The following KDM2B variants were observed in gnomAD, a reference collection of about 807,000 sequenced individuals.
The protein encoded by KDM2B is lysine-specific demethylase 2B.
A neutral mutation model predicts 150.0 loss-of-function variants in KDM2B; 26 were observed. The ratio of observed to expected loss-of-function variants is 0.17; its 90% CI spans 0.13 to 0.24. The LOEUF is 0.24. Among genes scored for constraint, KDM2B ranks in the 10% least tolerant of loss-of-function variants. The pLI is 1.00. For missense variants in KDM2B, 1,265 were observed against 1,816.9 expected, an observed-to-expected ratio of 0.70 and a Z score of 5.52; for synonymous variants, 734 against 729.5, an observed-to-expected ratio of 1.01 and a Z score of -0.10.
At chr12:121,569,021 G>A (rs1890907392) in intron 4 of KDM2B, among the ~76,000 whole-genome samples, 1 of 152,210 alleles carries the variant, frequency 6.6e-6, no homozygotes, top group South Asian at 2.1e-4. Context: ...ACGTCCCGTG[G>A]TGCAGTGCCC....
In KDM2B at chr12:121,530,197, C is replaced by A. The variant is rs545749330; in HGVS notation, c.931+2609G>T. ...GAGCCGAGATTGCGCCACTGCACTC[C>A]AGCCTGGGCAACAGAGCAAGACTCC... On this transcript the variant is annotated intron_variant, in intron 8 of 22. Coordinates refer to ENST00000377071, the MANE Select transcript of KDM2B (RefSeq NM_032590.5). Among the ~76,000 whole-genome samples the A allele has an allele frequency of 2.9e-4, 41 of 142,114 alleles. No individual in the cohort carries two copies. The East Asian group carries it at 8.3e-3, about 29-fold the overall frequency. The allele number at this position is 142,114 out of a possible 152,430, so 93.2% of individuals were successfully genotyped here.
At chr12:121,579,651 T>A in intron 1 of KDM2B, 1 of 1,348,008 alleles carries the variant, frequency 7.4e-7, no homozygotes, top group East Asian at 4.2e-5. Flanking sequence ...GCGCGCACAC[T>A]CACTTCCTAA....
chr12:121,437,410 G>A (rs1475750844), intron 22 of KDM2B, among the ~76,000 whole-genome samples: 2 of 151,730 alleles, frequency 1.3e-5, no homozygotes, highest in African/African-American at 4.9e-5. Context: ...AAAAGATGGA[G>A]GGAGAAAAAC....
rs1438490730 is a variant in KDM2B at position 121,430,872 on chromosome 12, A to C, written c.3830-403T>G. ...TACTGCTCTATGTCTATTACTGTGC[A>C]TTTATTTGCCTCCTCCCTTCAGATA... On this transcript the variant is annotated intron_variant, in intron 22 of 22. Transcript: ENST00000377071. The surrounding 1 kb of genome is among the most constrained non-coding windows in gnomAD (Gnocchi z 4.4). Among the ~76,000 whole-genome samples the C allele has an allele frequency of 1.3e-5, 2 of 152,152 alleles. No individual in the cohort carries two copies. Among genetic ancestry groups the C allele is most frequent in the Non-Finnish European group, 2.9e-5 (2 of 68,028 alleles).
At chr12:121,418,115 G>A in the KDM2B span, 8,881 of 587,098 alleles carry the variant, frequency 0.015, 103 homozygotes, top group Non-Finnish European at 0.021. Flanking sequence ...AAAGTCTGCT[G>A]TCTGAAGGGT....
intron 17 of KDM2B, 45 bp from the exon 18 acceptor site, chr12:121,443,075 T>C: frequency 6.3e-7 from 1 of 1,576,024 alleles, no homozygotes; most frequent in Non-Finnish European, 8.6e-7. Context: ...CCCGGGCTCG[T>C]GGGATTTGGT....
chr12:121,448,536 C>T (rs1876690373), intron 13 of KDM2B, among the ~76,000 whole-genome samples: 1 of 152,010 alleles, frequency 6.6e-6, no homozygotes, highest in South Asian at 2.1e-4. Context: ...CGGCTGTGAG[C>T]CCCCTGAGGC....
At position 121,467,287 on chromosome 12, in the gene KDM2B, G is replaced by C. The variant is rs1880152573; in HGVS notation, c.1735-13943C>G. The stretch of plus-strand genomic sequence containing the variant: ...CGCCGCCGCCGCCCGCCCGGAGCAG[G>C]CTCGGCTCGCCCTGGCTCGGGCTCG... On this transcript the variant is annotated intron_variant, in intron 12 of 22. Transcript: ENST00000377071. The surrounding 1 kb of genome is among the most constrained non-coding windows in gnomAD (Gnocchi z 5.1). 1 of 985,808 alleles carries C rather than the reference G, an allele frequency of 1.0e-6. No homozygotes were observed. Among genetic ancestry groups the C allele is most frequent in the Non-Finnish European group, 1.2e-6 (1 of 831,064 alleles). The allele number at this position is 985,808 out of a possible 1,614,324, so 61.1% of individuals were successfully genotyped here. A position where few individuals can be genotyped will look rare whatever the true frequency, so the allele number is the denominator to read the frequency against.
At chr12:121,417,769 T>C in the KDM2B span, 3 of 1,614,226 alleles carry the variant, frequency 1.9e-6, no homozygotes, top group Non-Finnish European at 2.5e-6. The surrounding 1 kb of genome is among the most constrained non-coding windows in gnomAD (Gnocchi z 5.0). Flanking sequence ...ACAAGCAGTC[T>C]GAATTCTTCA....
At chr12:121,580,352 C>T in intron 1 of KDM2B, 1 of 1,069,454 alleles carries the variant, frequency 9.4e-7, no homozygotes, top group Non-Finnish European at 1.1e-6. Flanking sequence ...GGCTCTCGGC[C>T]CGGGCTTGGG....
chr12:121,443,421 C>T (rs909694485), intron 17 of KDM2B: 12 of 583,630 alleles, frequency 2.1e-5, no homozygotes, highest in Admixed American at 1.2e-4. Flanking sequence ...GGTGACAGCA[C>T]GGCCCGTGGG....
intron 9 of KDM2B, chr12:121,516,909 A>G (rs1266191621): frequency 3.0e-6 from 2 of 664,802 alleles, no homozygotes; most frequent in Non-Finnish European, 5.3e-6. Context: ...AAAAAGTCCA[A>G]TGGTAGGGGG....
At chr12:121,423,707 A>G in the KDM2B span, 45 of 797,126 alleles carry the variant, frequency 5.6e-5, no homozygotes, top group Admixed American at 5.1e-4. This position sits in a 1 kb window ranked among gnomAD's most constrained non-coding sequence, Gnocchi z 4.3. Context: ...CTAAGTGGGG[A>G]CAGAAAGATC....
At chr12:121,413,161 G>A in the KDM2B span, among the ~76,000 whole-genome samples, 1 of 151,950 alleles carries the variant, frequency 6.6e-6, no homozygotes, top group Non-Finnish European at 1.5e-5. Flanking sequence ...AAGTAGCTGG[G>A]ATTACAGGCA....
intron 8 of KDM2B, among the ~76,000 whole-genome samples, chr12:121,531,106 T>C (rs1225984164): frequency 6.6e-6 from 1 of 151,978 alleles, no homozygotes; most frequent in African/African-American, 2.4e-5. Context: ...TGCCACCTCC[T>C]TCCCGAGTCT....
intron 12 of KDM2B, among the ~76,000 whole-genome samples, chr12:121,456,936 G>A (rs1027873270): frequency 1.3e-5 from 2 of 152,266 alleles, no homozygotes; most frequent in East Asian, 3.9e-4. Context: ...GGCCAGGAAG[G>A]TTTCTGCTGC....
intron 8 of KDM2B, among the ~76,000 whole-genome samples, chr12:121,532,078 G>A (rs561217803): frequency 5.9e-4 from 89 of 151,664 alleles, no homozygotes; most frequent in Non-Finnish European, 8.5e-4. Context: ...CCAAGATCAC[G>A]CCACTGCACC....
In KDM2B at chr12:121,467,460, C is replaced by CCGGG. The variant is rs1880213092; in HGVS notation, c.1735-14120_1735-14117dup. ...GGCGAGCCAGGAAGGGGCTGGCCCC[C>CCGGG]CGGGCGGGCGGGCCAATGGCGCGGC... On this transcript the variant is annotated intron_variant, in intron 12 of 22. Coordinates refer to ENST00000377071, the MANE Select transcript of KDM2B (RefSeq NM_032590.5). This position sits in a 1 kb window ranked among gnomAD's most constrained non-coding sequence, Gnocchi z 5.1. 7.6e-6 allele frequency: 5 copies of CCGGG among 658,722 alleles called. No homozygotes were observed. The South Asian group carries it at 2.7e-4, about 35-fold the overall frequency. The allele number at this position is 658,722 out of a possible 1,614,324, so 40.8% of individuals were successfully genotyped here.
chr12:121,457,457 T>C (rs1555293013), intron 12 of KDM2B, among the ~76,000 whole-genome samples: 1 of 151,954 alleles, frequency 6.6e-6, no homozygotes, highest in East Asian at 1.9e-4. Flanking sequence ...AGATAGCATT[T>C]CGTCATGTTG....
Sources: allele counts gnomAD v4.1 joint callset (sites outside exome capture counted in the v4.1 genomes callset), GRCh38; gene constraint gnomAD v4.1.1; non-coding constraint Gnocchi (gnomAD v3.1); transcripts MANE v1.5; gene names NCBI Gene and HGNC (gene_info 2026-07-23, HGNC 2026-07-21).